ADIPOR2: variants seen among roughly 807,000 people sequenced by gnomAD.
The protein encoded by ADIPOR2 is adiponectin receptor protein 2.
In ADIPOR2, 18 loss-of-function variants were observed where a neutral mutation model predicts 40.9. The ratio of observed to expected loss-of-function variants is 0.44; its 90% confidence interval spans 0.30 to 0.65. The LOEUF (loss-of-function observed/expected upper bound fraction) is 0.65. Among genes scored for constraint, ADIPOR2 ranks in the 30% least tolerant of loss-of-function variants. The pLI, the probability that ADIPOR2 is intolerant of heterozygous loss-of-function variation, is 0.09. For missense variants in ADIPOR2, 283 were observed against 479.2 expected (o/e 0.59, Z 3.82); for synonymous variants, 165 against 166.4 (o/e 0.99, Z 0.06).
At chr12:1,773,348 A>G (rs1316593756) in intron 3 of ADIPOR2, among the ~76,000 whole-genome samples, 1 of 152,160 alleles carries the variant, frequency 6.6e-6, no homozygotes, top group Non-Finnish European at 1.5e-5. Context: ...TGCAATGGCA[A>G]ATGTACTGTT....
rs187195432 is a variant in ADIPOR2, at chr12:1,774,500, G to A, written c.291+1539G>A. On this transcript the variant is annotated intron_variant, in intron 3 of 7. Coordinates refer to ENST00000357103, the MANE Select transcript of ADIPOR2 (RefSeq NM_024551.3). ...CTGACCACACTTGAAAACCAGCCGT[G>A]TCTAGTGGCACAGGGATTCTATTTC... Among the ~76,000 whole-genome samples the A allele has an allele frequency of 2.2e-4, 33 of 152,346 alleles. No individual in the cohort carries two copies. In the East Asian group the frequency reaches 4.2e-3, roughly 20 times the overall value.
At chr12:1,773,751 C>T (rs544939684) in intron 3 of ADIPOR2, among the ~76,000 whole-genome samples, 77 of 152,200 alleles carry the variant, frequency 5.1e-4, no homozygotes, top group African/African-American at 1.8e-3. Flanking sequence ...ATTTTTGTGA[C>T]ACTTAGCTTT....
chr12:1,763,228 G>T (rs1279847091), intron 2 of ADIPOR2, among the ~76,000 whole-genome samples: 3 of 152,158 alleles, frequency 2.0e-5, no homozygotes, highest in African/African-American at 4.8e-5. Context: ...TTTTTCACAA[G>T]TTCCCCTATG....
At chr12:1,747,657 C>G (rs922382739) in intron 1 of ADIPOR2, among the ~76,000 whole-genome samples, 2 of 151,814 alleles carry the variant, frequency 1.3e-5, no homozygotes, top group Non-Finnish European at 2.9e-5. Flanking sequence ...TCTGTTTCGC[C>G]TTCAGTTTTG....
At chr12:1,769,855 T>C (rs1186651187) in intron 2 of ADIPOR2, among the ~76,000 whole-genome samples, 1 of 152,126 alleles carries the variant, frequency 6.6e-6, no homozygotes, top group Non-Finnish European at 1.5e-5. Flanking sequence ...AATAATTCTT[T>C]TATAAAGATT....
intron 1 of ADIPOR2, among the ~76,000 whole-genome samples, chr12:1,692,273 G>A (rs559860612): frequency 6.6e-6 from 1 of 152,064 alleles, no homozygotes; most frequent in Non-Finnish European, 1.5e-5. Flanking sequence ...CGTCTTGTCA[G>A]TTCTGAAAGT....
chr12:1,702,784 A>G (rs1431883611), intron 1 of ADIPOR2: 1 of 152,250 alleles, frequency 6.6e-6, no homozygotes, highest in East Asian at 1.9e-4. Flanking sequence ...ATTATAAAAT[A>G]TATCACTATT....
At chr12:1,751,247 T>C (rs1446863063) in intron 1 of ADIPOR2, among the ~76,000 whole-genome samples, 1 of 152,172 alleles carries the variant, frequency 6.6e-6, no homozygotes, top group East Asian at 1.9e-4. Context: ...CTGCTTTCTG[T>C]AGAGTGGCCA....
chr12:1,714,661 G>A lies in ADIPOR2; in HGVS notation c.-87+23470G>A, dbSNP rs148802673. On this transcript the variant is annotated intron_variant, in intron 1 of 7. Coordinates refer to ENST00000357103, the MANE Select transcript of ADIPOR2 (RefSeq NM_024551.3). ...TCCCCATGATCTGAGTCGAGGACCC[G>A]GTGGGGATCCACACTGAGAATGGCT... Among the ~76,000 whole-genome samples, 175 of 151,944 alleles carry A rather than the reference G, an allele frequency of 1.2e-3. 1 individual carries two copies. The highest frequency in any genetic ancestry group is 3.9e-3 in the African/African-American group (161 of 41,336).
chr12:1,757,281 T>C (rs1862152893), intron 2 of ADIPOR2: 5 of 614,670 alleles, frequency 8.1e-6, no homozygotes, highest in African/African-American at 1.8e-5. Context: ...TTTTCAGCAA[T>C]GGTGAGGCAG....
At chr12:1,772,553 C>G (rs1862510624) in intron 2 of ADIPOR2, among the ~76,000 whole-genome samples, 1 of 152,028 alleles carries the variant, frequency 6.6e-6, no homozygotes, top group Non-Finnish European at 1.5e-5. Context: ...ATTATGGGGT[C>G]TATGACATAA....
intron 1 of ADIPOR2, among the ~76,000 whole-genome samples, chr12:1,713,079 A>G (rs2094680790): frequency 6.6e-6 from 1 of 152,112 alleles, no homozygotes; most frequent in Non-Finnish European, 1.5e-5. Context: ...GTGCCTGACC[A>G]AACAGGTGAG....
chr12:1,776,178 G>A (rs1007126296), intron 3 of ADIPOR2, among the ~76,000 whole-genome samples: 2 of 152,184 alleles, frequency 1.3e-5, no homozygotes, highest in African/African-American at 4.8e-5. Flanking sequence ...ACTTCCTTTG[G>A]ATGTGGAGAT....
chr12:1,701,960 A>G (rs1222235486), intron 1 of ADIPOR2, among the ~76,000 whole-genome samples: 1 of 152,164 alleles, frequency 6.6e-6, no homozygotes, highest in Non-Finnish European at 1.5e-5. Context: ...CATCTCTCCT[A>G]AAAATACAAA....
At chr12:1,711,631 TCTCTCTCTC>T (rs767473892) in intron 1 of ADIPOR2, among the ~76,000 whole-genome samples, 3 of 143,848 alleles carry the variant, frequency 2.1e-5, no homozygotes, top group Non-Finnish European at 4.4e-5. Flanking sequence ...TCTCTCTCTC[TCTCTCTCTC>T]TTTCTCTCTT....
chr12:1,706,915 A>T (rs1192153302), intron 1 of ADIPOR2, among the ~76,000 whole-genome samples: 2 of 152,176 alleles, frequency 1.3e-5, no homozygotes, highest in African/African-American at 4.8e-5. Context: ...CTCTTGAGCC[A>T]GGAGTTCAAG....
intron 1 of ADIPOR2, among the ~76,000 whole-genome samples, chr12:1,752,625 T>A (rs1212918595): frequency 6.6e-6 from 1 of 152,132 alleles, no homozygotes; most frequent in Non-Finnish European, 1.5e-5. Context: ...TCTCTTTGAA[T>A]CCTAATGACC....
chr12:1,713,000 A>G (rs183453711), intron 1 of ADIPOR2, among the ~76,000 whole-genome samples: 2 of 152,208 alleles, frequency 1.3e-5, no homozygotes, highest in East Asian at 1.9e-4. Flanking sequence ...CTGGCAGCCA[A>G]AAGTAAATCA....
chr12:1,728,818 A>G (rs990342823), intron 1 of ADIPOR2, among the ~76,000 whole-genome samples: 6 of 152,180 alleles, frequency 3.9e-5, no homozygotes, highest in African/African-American at 1.4e-4. Context: ...TTTCTGTGTT[A>G]GTAGAATAAA....
Sources: allele counts gnomAD v4.1 joint callset (sites outside exome capture counted in the v4.1 genomes callset), GRCh38; gene constraint gnomAD v4.1.1; transcripts MANE v1.5; gene names NCBI Gene and HGNC (gene_info 2026-07-23, HGNC 2026-07-21).